Variants in MAF observed in about 807,000 individuals in gnomAD.
MAF encodes MAF bZIP transcription factor, also known as transcription factor Maf.
In MAF, 10 loss-of-function variants were observed where a neutral mutation model predicts 22.0. The ratio of observed to expected loss-of-function variants is 0.45; its 90% CI spans 0.28 to 0.77. The LOEUF is 0.77. Ranked by LOEUF, MAF falls within the 30% of genes least tolerant of loss-of-function variation. The pLI is 0.12. For synonymous variants in MAF, 337 were observed against 255.8 expected (o/e 1.32, Z -3.03); for missense variants, 544 against 548.4 (o/e 0.99, Z 0.08).
the MAF span, among the ~76,000 whole-genome samples, chr16:79,359,316 C>A: frequency 6.6e-6 from 1 of 152,172 alleles, no homozygotes; most frequent in African/African-American, 2.4e-5. Context: ...GTTCCAGTAG[C>A]TTTTACAGAG....
chr16:79,515,855 A>T, the MAF span: 1 of 151,968 alleles, frequency 6.6e-6, no homozygotes, highest in East Asian at 1.9e-4. Context: ...ACATAGGTTG[A>T]GATGGAGCCT....
At chr16:79,217,986 T>TA in the MAF span, among the ~76,000 whole-genome samples, 212 of 52,120 alleles carry the variant, frequency 4.1e-3, 4 homozygotes, top group Middle Eastern at 0.034. Context: ...GAAGCTTATG[T>TA]AAAAAAAAAA....
chr16:79,582,726 T>C (rs2143672466), downstream of MAF, among the ~76,000 whole-genome samples: 1 of 152,380 alleles, frequency 6.6e-6, no homozygotes, highest in Admixed American at 6.5e-5. Flanking sequence ...CCTTATTTTC[T>C]CAGTGCCAAC....
the MAF span, among the ~76,000 whole-genome samples, chr16:79,285,953 T>C: frequency 6.6e-6 from 1 of 152,198 alleles, no homozygotes; most frequent in Admixed American, 6.5e-5. Context: ...TTAGGGACGA[T>C]GACTCAGTAC....
chr16:79,538,558 T>C, the MAF span, among the ~76,000 whole-genome samples: 1 of 152,170 alleles, frequency 6.6e-6, no homozygotes, highest in African/African-American at 2.4e-5. Context: ...ACAAACTAAA[T>C]ATTATACATG....
At chr16:79,586,790 A>G (rs1463043132) in intron 1 of MAF, among the ~76,000 whole-genome samples, 1 of 152,234 alleles carries the variant, frequency 6.6e-6, no homozygotes, top group Non-Finnish European at 1.5e-5. Context: ...AGCTAGTCAC[A>G]ATATAGAAGT....
the MAF span, among the ~76,000 whole-genome samples, chr16:79,435,426 A>C: frequency 3.9e-5 from 6 of 152,382 alleles, no homozygotes; most frequent in South Asian, 2.1e-4. Flanking sequence ...TTCTGTGGTC[A>C]AATAGATGCG....
chr16:79,319,858 G>A, the MAF span, among the ~76,000 whole-genome samples: 1 of 152,192 alleles, frequency 6.6e-6, no homozygotes, highest in Non-Finnish European at 1.5e-5. Context: ...GCTGGAGGAT[G>A]GGATGCAGTG....
At chr16:79,457,981 T>C in the MAF span, among the ~76,000 whole-genome samples, 1 of 152,148 alleles carries the variant, frequency 6.6e-6, no homozygotes, top group African/African-American at 2.4e-5. Context: ...CTCACAACCT[T>C]TCTTATCTTT....
downstream of MAF, among the ~76,000 whole-genome samples, chr16:79,590,497 C>T (rs1396427269): frequency 1.3e-5 from 2 of 152,150 alleles, no homozygotes; most frequent in Non-Finnish European, 2.9e-5. Flanking sequence ...TTTTGAGGCT[C>T]TTTCATGGCC....
At chr16:79,289,569 T>A in the MAF span, among the ~76,000 whole-genome samples, 7 of 152,158 alleles carry the variant, frequency 4.6e-5, no homozygotes, top group African/African-American at 1.4e-4. Context: ...TGCCTTATAC[T>A]ACGGGCGGAT....
chr16:79,519,547 C>CT, the MAF span, among the ~76,000 whole-genome samples: 183 of 152,314 alleles, frequency 1.2e-3, no homozygotes, highest in Non-Finnish European at 2.2e-3. Context: ...CTGTCCCTCC[C>CT]TTTCTGCTGC....
the MAF span, among the ~76,000 whole-genome samples, chr16:79,289,245 C>T: frequency 2.0e-5 from 3 of 151,970 alleles, no homozygotes; most frequent in Admixed American, 6.5e-5. Flanking sequence ...AGCAGAGTGG[C>T]GGGAGCCCAC....
At chr16:79,208,112 C>G in the MAF span, among the ~76,000 whole-genome samples, 1 of 152,202 alleles carries the variant, frequency 6.6e-6, no homozygotes, top group African/African-American at 2.4e-5. Context: ...CCAAGATACT[C>G]TTAATCCCAA....
At chr16:79,206,481 G>C in the MAF span, 2 of 152,302 alleles carry the variant, frequency 1.3e-5, no homozygotes, top group East Asian at 3.9e-4. Flanking sequence ...AACTGTCCCT[G>C]GCTCATAGAG....
At chr16:79,221,718 T>G in the MAF span, among the ~76,000 whole-genome samples, 2 of 151,912 alleles carry the variant, frequency 1.3e-5, no homozygotes, top group Non-Finnish European at 2.9e-5. Context: ...ATTGTGTATG[T>G]GTGTGTGTGC....
In MAF at chr16:79,600,075, C is replaced by CCA. The variant is rs1357218763; in HGVS notation, c.-174_-173insTG. On this transcript the variant is annotated 5_prime_UTR_variant, in exon 1 of 2. Transcript: ENST00000326043. ...CTCCGAGCGCGCTCACACACACACC[C>CCA]CCCCGCCCTGCCCGCGCCCCCCGCG... The CCA allele has an allele frequency of 2.6e-6, 2 of 765,552 alleles. No homozygotes were observed. Among genetic ancestry groups the CCA allele is most frequent in the Non-Finnish European group, 3.9e-6 (2 of 507,138 alleles). The allele number at this position is 765,552 out of a possible 1,614,324, so 47.4% of individuals were successfully genotyped here.
At chr16:79,426,648 C>T in the MAF span, among the ~76,000 whole-genome samples, 32,258 of 152,162 alleles carry the variant, frequency 0.21, 4,102 homozygotes, top group African/African-American at 0.36. Context: ...ATTGGTGAGT[C>T]CCCTGAGCCA....
chr16:79,213,372 C>T, the MAF span, among the ~76,000 whole-genome samples: 19 of 152,308 alleles, frequency 1.2e-4, no homozygotes, highest in African/African-American at 3.1e-4. Flanking sequence ...GTCTTCCTTA[C>T]GTAATCCTTA....
Sources: allele counts gnomAD v4.1 joint callset (sites outside exome capture counted in the v4.1 genomes callset), GRCh38; gene constraint gnomAD v4.1.1; transcripts MANE v1.5; gene names NCBI Gene and HGNC (gene_info 2026-07-23, HGNC 2026-07-21).